PAX5: variants seen among roughly 807,000 people sequenced by gnomAD.
The protein encoded by PAX5 is paired box protein Pax-5.
PAX5 carries 9 observed loss-of-function variants against 43.7 expected under a neutral mutation model. The observed-to-expected ratio is 0.21, with a 90% CI of 0.12 to 0.36. The LOEUF is 0.36. Among genes scored for constraint, PAX5 ranks in the 10% least tolerant of loss-of-function variants. PAX5 has a pLI of 1.00. For missense variants in PAX5, 383 were observed against 532.7 expected (o/e 0.72, Z 2.77); for synonymous variants, 228 against 214.3 (o/e 1.06, Z -0.56).
rs79071773 is a variant in PAX5 at position 37,018,516 on chromosome 9, G to A, written c.212+2120C>T. Among the ~76,000 whole-genome samples, 181 of 123,716 alleles carry A rather than the reference G, an allele frequency of 1.5e-3. 2 individuals carry two copies. Among genetic ancestry groups the A allele is most frequent in the African/African-American group, 5.1e-3 (171 of 33,794 alleles). 81.2% of individuals were successfully genotyped at this position (123,716 alleles called of 152,430 possible). A position where few individuals can be genotyped will look rare whatever the true frequency, so the allele number is the denominator to read the frequency against. Reference sequence around the variant, plus strand: ...CTGGAAACCATAGCCACCACACATCGTACTCTCCCTACAATCTGTCACCTC... The same window carrying A: ...CTGGAAACCATAGCCACCACACATCATACTCTCCCTACAATCTGTCACCTC... On this transcript the variant is annotated intron_variant, in intron 2 of 9. Transcript: ENST00000358127.
intron 7 of PAX5, among the ~76,000 whole-genome samples, chr9:36,899,503 G>A (rs1296791631): frequency 2.0e-5 from 3 of 152,098 alleles, no homozygotes; most frequent in Admixed American, 6.5e-5. Flanking sequence ...CCCAGCCTGC[G>A]CTCAGTGCTA....
chr9:36,850,878 A>G lies in PAX5; in HGVS notation c.1013-3949T>C, dbSNP rs146389857. Among the ~76,000 whole-genome samples, 846 of 152,332 alleles carry G rather than the reference A, an allele frequency of 5.6e-3. 11 individuals carry two copies. The highest frequency in any genetic ancestry group is 0.019 in the African/African-American group (801 of 41,564). Reference sequence around the variant, plus strand: ...CATCGGCATTCCCCCAGGAGCAAGCAGTCCCGGGGAGAAAACAGGACTGGA... The same window carrying G: ...CATCGGCATTCCCCCAGGAGCAAGCGGTCCCGGGGAGAAAACAGGACTGGA... On this transcript the variant is annotated intron_variant, in intron 8 of 9. Transcript: ENST00000358127.
At chr9:37,031,600 G>T (rs1247138348) in intron 1 of PAX5, among the ~76,000 whole-genome samples, 2 of 152,150 alleles carry the variant, frequency 1.3e-5, no homozygotes, top group Non-Finnish European at 2.9e-5. Flanking sequence ...GCAGGAACAG[G>T]AGGTCTAAGG....
intron 8 of PAX5, among the ~76,000 whole-genome samples, chr9:36,853,895 G>A (rs1484310774): frequency 1.3e-5 from 2 of 152,302 alleles, no homozygotes; most frequent in South Asian, 2.1e-4. Context: ...ACAGGTAAAC[G>A]GGCTCAGTAT....
intron 8 of PAX5, among the ~76,000 whole-genome samples, chr9:36,879,429 T>A (rs1409362798): frequency 6.6e-6 from 1 of 152,176 alleles, no homozygotes; most frequent in Non-Finnish European, 1.5e-5. Context: ...GCTTCACCAC[T>A]GACATGCTCT....
intron 5 of PAX5, among the ~76,000 whole-genome samples, chr9:37,001,544 A>G (rs1273328516): frequency 2.0e-5 from 3 of 152,204 alleles, no homozygotes; most frequent in Non-Finnish European, 2.9e-5. Flanking sequence ...AGGTTCCAAA[A>G]GCCGCAAATC....
At position 36,882,491 on chromosome 9, in the gene PAX5, T is replaced by C. The variant is rs1292186046; in HGVS notation, c.911-386A>G. Among the ~76,000 whole-genome samples, 2 of 152,174 alleles carry C rather than the reference T, an allele frequency of 1.3e-5. No individual in the cohort carries two copies. The highest frequency in any genetic ancestry group is 4.8e-5 in the African/African-American group (2 of 41,426). ...CTGGGACCTCTCCATCTCCACACTG[T>C]TGTTTCTGCTATGTCCTTTGTACAA... On this transcript the variant is annotated intron_variant, in intron 7 of 9. Coordinates refer to ENST00000358127, the MANE Select transcript of PAX5 (RefSeq NM_016734.3). The surrounding 1 kb of genome is among the most constrained non-coding windows in gnomAD (Gnocchi z 4.4).
At chr9:36,890,592 G>A (rs754376832) in intron 7 of PAX5, among the ~76,000 whole-genome samples, 7 of 152,204 alleles carry the variant, frequency 4.6e-5, no homozygotes, top group Non-Finnish European at 1.0e-4. Flanking sequence ...GGAACAGATG[G>A]CCTCTGAGGG....
chr9:36,946,781 A>G (rs1399867966), intron 6 of PAX5, among the ~76,000 whole-genome samples: 1 of 152,138 alleles, frequency 6.6e-6, no homozygotes, highest in Non-Finnish European at 1.5e-5. Flanking sequence ...TCCCCAGGAG[A>G]CAGTTGAGGC....
chr9:36,912,184 G>A (rs1479849955), intron 7 of PAX5, among the ~76,000 whole-genome samples: 1 of 152,244 alleles, frequency 6.6e-6, no homozygotes, highest in African/African-American at 2.4e-5. Flanking sequence ...ATGTCTCTTT[G>A]TCTTATGCCC....
At chr9:36,943,872 GA>G (rs1832271401) in intron 6 of PAX5, among the ~76,000 whole-genome samples, 1 of 152,074 alleles carries the variant, frequency 6.6e-6, no homozygotes, top group Admixed American at 6.6e-5. Context: ...CAGAAAAAGG[GA>G]AAACATAAAA....
intron 6 of PAX5, among the ~76,000 whole-genome samples, chr9:36,928,279 C>G (rs759851570): frequency 2.0e-5 from 3 of 152,320 alleles, no homozygotes; most frequent in Non-Finnish European, 4.4e-5. Context: ...CAGACACTGT[C>G]CTACCTCCGC....
intron 1 of PAX5, chr9:37,026,385 C>A (rs1840372663): frequency 1.5e-6 from 1 of 646,538 alleles, no homozygotes; most frequent in South Asian, 1.9e-5. Context: ...TTTCAGGTCC[C>A]CTGCCTGGGA....
chr9:36,914,130 G>A (rs1226394835), intron 7 of PAX5, among the ~76,000 whole-genome samples: 1 of 152,220 alleles, frequency 6.6e-6, no homozygotes, highest in Non-Finnish European at 1.5e-5. Context: ...ATCCCACACA[G>A]TGAAGACTTT....
intron 7 of PAX5, among the ~76,000 whole-genome samples, chr9:36,920,378 T>C (rs1156373826): frequency 6.6e-6 from 1 of 152,144 alleles, no homozygotes; most frequent in Non-Finnish European, 1.5e-5. Flanking sequence ...TTTAAGAAAT[T>C]GCCACAGCCA....
At chr9:36,960,430 C>T (rs1403214755) in intron 6 of PAX5, among the ~76,000 whole-genome samples, 2 of 152,054 alleles carry the variant, frequency 1.3e-5, no homozygotes, top group Non-Finnish European at 2.9e-5. Context: ...CTGGCCACAG[C>T]CCGAGGGTCT....
chr9:36,872,697 T>C (rs1213460044), intron 8 of PAX5, among the ~76,000 whole-genome samples: 1 of 152,130 alleles, frequency 6.6e-6, no homozygotes, highest in Non-Finnish European at 1.5e-5. Context: ...CCAGCATCAC[T>C]TCCGTGCAGG....
chr9:36,837,751 G>A lies in PAX5; in HGVS notation c.*2809C>T, dbSNP rs1427144528. 3.0e-5 allele frequency: 7 copies of A among 233,280 alleles called. No individual in the cohort carries two copies. Among genetic ancestry groups the A allele is most frequent in the Non-Finnish European group, 5.1e-5 (6 of 118,098 alleles). 14.5% of individuals were successfully genotyped at this position (233,280 alleles called of 1,614,324 possible). A position where few individuals can be genotyped will look rare whatever the true frequency, so the allele number is the denominator to read the frequency against. On this transcript the variant is annotated 3_prime_UTR_variant, in exon 10 of 10. Transcript: ENST00000358127. Reference sequence around the variant, plus strand: ...AAATACAAAACCAATCTGAGGACCAGCAAAGCCTCAGGTGAGGGAGGAAAG... The same window carrying A: ...AAATACAAAACCAATCTGAGGACCAACAAAGCCTCAGGTGAGGGAGGAAAG...
At chr9:36,939,858 C>T (rs1274425274) in intron 6 of PAX5, among the ~76,000 whole-genome samples, 1 of 152,192 alleles carries the variant, frequency 6.6e-6, no homozygotes, top group Non-Finnish European at 1.5e-5. Context: ...TGCACGCTGG[C>T]GTCGTGTGGG....
Sources: gnomAD v4.1 joint callset for allele counts (sites outside exome capture counted in the v4.1 genomes callset) on GRCh38, gnomAD v4.1.1 for gene constraint, Gnocchi (gnomAD v3.1) non-coding constraint, MANE v1.5 for transcripts, NCBI Gene and HGNC (gene_info 2026-07-23, HGNC 2026-07-21) for gene names.